The following COL24A1 variants were observed in gnomAD, a reference collection of about 807,000 sequenced individuals.
COL24A1 encodes collagen type XXIV alpha 1 chain.
COL24A1 carries 224 observed loss-of-function variants against 253.9 expected under a neutral mutation model. The ratio of observed to expected loss-of-function variants is 0.88; its 90% CI spans 0.79 to 0.99. COL24A1 has a LOEUF of 0.99. Ranked by LOEUF, COL24A1 falls within the 50% of genes least tolerant of loss-of-function variation. The pLI, the probability that COL24A1 is intolerant of heterozygous loss-of-function variation, is 0.00. For missense variants in COL24A1, 2,131 were observed against 2,068.5 expected, an observed-to-expected ratio of 1.03 and a Z score of -0.59; for synonymous variants, 685 against 673.7, an observed-to-expected ratio of 1.02 and a Z score of -0.26.
At chr1:85,934,380 A>G (rs1558714533) in intron 24 of COL24A1, among the ~76,000 whole-genome samples, 1 of 152,150 alleles carries the variant, frequency 6.6e-6, no homozygotes, top group Admixed American at 6.6e-5. Context: ...GCTTGATTTG[A>G]TATTTTATTA....
chr1:85,904,387 A>G (rs182217752), intron 28 of COL24A1, among the ~76,000 whole-genome samples: 2 of 152,250 alleles, frequency 1.3e-5, no homozygotes, highest in East Asian at 3.9e-4. Flanking sequence ...TCAGTTGCCT[A>G]GTTCTGAAGA....
chr1:86,033,955 T>C (rs1698796740), intron 12 of COL24A1, 32 bp from the exon 13 acceptor site: 1 of 1,501,174 alleles, frequency 6.7e-7, no homozygotes, highest in East Asian at 2.4e-5. Flanking sequence ...AATGCCAACA[T>C]ATATAAATAA....
intron 5 of COL24A1, among the ~76,000 whole-genome samples, chr1:86,110,998 C>A (rs1705526844): frequency 6.6e-6 from 1 of 152,210 alleles, no homozygotes; most frequent in Admixed American, 6.5e-5. Flanking sequence ...CTAGGGGAAG[C>A]CAGCTGGGCT....
intron 39 of COL24A1, among the ~76,000 whole-genome samples, chr1:85,846,140 T>C (rs1342696543): frequency 6.6e-6 from 1 of 151,754 alleles, no homozygotes; most frequent in Non-Finnish European, 1.5e-5. Context: ...GAAAACAGAC[T>C]GACCACTCAA....
chr1:85,773,839 C>T (rs1020821403), intron 53 of COL24A1, among the ~76,000 whole-genome samples: 1 of 152,126 alleles, frequency 6.6e-6, no homozygotes, highest in Admixed American at 6.6e-5. Context: ...GACTTCCTCT[C>T]TTCCTATTTG....
At chr1:85,950,187 A>T (rs918372305) in intron 24 of COL24A1, among the ~76,000 whole-genome samples, 1 of 149,682 alleles carries the variant, frequency 6.7e-6, no homozygotes, top group Admixed American at 6.7e-5. Flanking sequence ...TCACGAACAC[A>T]TAAAAAGCAA....
intron 43 of COL24A1, among the ~76,000 whole-genome samples, chr1:85,828,383 A>G (rs1403176421): frequency 1.3e-5 from 2 of 151,378 alleles, no homozygotes; most frequent in African/African-American, 2.4e-5. Context: ...GTGGTGCTGA[A>G]AAAAATGTAT....
At chr1:85,738,976 G>A (rs1261891518) in intron 57 of COL24A1, among the ~76,000 whole-genome samples, 2 of 152,190 alleles carry the variant, frequency 1.3e-5, no homozygotes, top group Non-Finnish European at 2.9e-5. Flanking sequence ...TTAAGAATCT[G>A]CATTTCTAAC....
intron 39 of COL24A1, among the ~76,000 whole-genome samples, chr1:85,846,654 T>A (rs187655239): frequency 6.6e-6 from 1 of 152,126 alleles, no homozygotes; most frequent in East Asian, 1.9e-4. Context: ...ACATTCTCAC[T>A]TATCAGATTG....
intron 12 of COL24A1, among the ~76,000 whole-genome samples, chr1:86,043,415 T>C (rs1392900065): frequency 6.6e-6 from 1 of 152,168 alleles, no homozygotes; most frequent in East Asian, 1.9e-4. Flanking sequence ...GTAATAGTTG[T>C]GATAAAGTAC....
rs1701263786 is a variant in COL24A1, at chr1:86,063,600, T to TA, written c.1752+114dup. ...AAAGGTTGTCCTGCACTAAACAGAG[T>TA]AAAAAATCACTGAGAAGAAAAATTG... On this transcript the variant is annotated intron_variant, in intron 8 of 59. Coordinates refer to ENST00000370571, the MANE Select transcript of COL24A1 (RefSeq NM_152890.7). 2.0e-5 allele frequency: 12 copies of TA among 613,410 alleles called. No homozygotes were observed. The South Asian group carries it at 3.8e-4, about 19-fold the overall frequency. The allele number at this position is 613,410 out of a possible 1,614,324, so 38.0% of individuals were successfully genotyped here. A position where few individuals can be genotyped will look rare whatever the true frequency, so the allele number is the denominator to read the frequency against.
intron 5 of COL24A1, among the ~76,000 whole-genome samples, chr1:86,103,734 T>A (rs996182175): frequency 2.0e-5 from 3 of 152,214 alleles, no homozygotes; most frequent in African/African-American, 7.2e-5. Context: ...CAATGTATGG[T>A]TTCTGCTGAA....
chr1:86,043,241 TG>T (rs2101621361), intron 12 of COL24A1, among the ~76,000 whole-genome samples: 2 of 152,254 alleles, frequency 1.3e-5, no homozygotes, highest in Admixed American at 1.3e-4. Flanking sequence ...CTCATAAGAC[TG>T]ACTATATCGC....
chr1:85,835,692 C>T (rs756870248), intron 43 of COL24A1, among the ~76,000 whole-genome samples: 1 of 151,908 alleles, frequency 6.6e-6, no homozygotes, highest in Non-Finnish European at 1.5e-5. Context: ...ATGAAATATC[C>T]AGAATACAGA....
intron 43 of COL24A1, among the ~76,000 whole-genome samples, chr1:85,828,174 T>A (rs1307782634): frequency 6.6e-6 from 1 of 152,068 alleles, no homozygotes; most frequent in Non-Finnish European, 1.5e-5. Flanking sequence ...TTCATTTCGT[T>A]ATGTACCCAG....
chr1:85,947,554 A>G (rs892027246), intron 24 of COL24A1, among the ~76,000 whole-genome samples: 2 of 152,208 alleles, frequency 1.3e-5, no homozygotes, highest in African/African-American at 2.4e-5. Flanking sequence ...ATCTATTGAT[A>G]CCAGTGAGAA....
chr1:85,812,500 T>C (rs932206120), intron 47 of COL24A1, among the ~76,000 whole-genome samples: 1 of 152,120 alleles, frequency 6.6e-6, no homozygotes, highest in Non-Finnish European at 1.5e-5. Context: ...ATACATATAG[T>C]TAGAAGGAGA....
At chr1:85,805,224 T>C (rs1338054971) in intron 47 of COL24A1, among the ~76,000 whole-genome samples, 1 of 152,152 alleles carries the variant, frequency 6.6e-6, no homozygotes, top group Non-Finnish European at 1.5e-5. Context: ...ATTGCTGCTA[T>C]TGTTTAAAAT....
chr1:85,847,598 T>C (rs1348156482), intron 39 of COL24A1, 67 bp downstream of exon 39: 1 of 1,117,782 alleles, frequency 8.9e-7, no homozygotes, highest in Non-Finnish European at 1.3e-6. Context: ...GATGAAACTT[T>C]AAGGGCATGG....
Sources: gnomAD v4.1 joint callset for allele counts (sites outside exome capture counted in the v4.1 genomes callset) on GRCh38, gnomAD v4.1.1 for gene constraint, MANE v1.5 for transcripts, NCBI Gene and HGNC (gene_info 2026-07-23, HGNC 2026-07-21) for gene names.